Variants in NLGN1 observed in about 807,000 individuals in gnomAD.
NLGN1 encodes the protein neuroligin-1.
In NLGN1, 12 loss-of-function variants were observed where a neutral mutation model predicts 65.5. The ratio of observed to expected loss-of-function variants is 0.18; its 90% confidence interval spans 0.12 to 0.30. The LOEUF (loss-of-function observed/expected upper bound fraction) is 0.30. NLGN1 is among the 10% of genes least tolerant of loss of function. The pLI is 1.00. For synonymous variants in NLGN1, 350 were observed against 359.5 expected (o/e 0.97, Z 0.30); for missense variants, 750 against 1,007.1 (o/e 0.74, Z 3.46).
intron 2 of NLGN1, among the ~76,000 whole-genome samples, chr3:173,442,171 A>G (rs1719321595): frequency 6.6e-6 from 1 of 152,148 alleles, no homozygotes; most frequent in South Asian, 2.1e-4. Flanking sequence ...CGCAGTTTTC[A>G]ATGTGCAGTG....
chr3:174,236,007 T>A (rs1200863660), intron 4 of NLGN1, among the ~76,000 whole-genome samples: 2 of 152,190 alleles, frequency 1.3e-5, no homozygotes, highest in Non-Finnish European at 2.9e-5. Context: ...TTCCAAGTAG[T>A]CAGGGAGTTG....
chr3:173,631,588 G>A (rs1366247670), intron 3 of NLGN1, among the ~76,000 whole-genome samples: 2 of 152,064 alleles, frequency 1.3e-5, no homozygotes, highest in Non-Finnish European at 2.9e-5. Context: ...TTGCCCCGGA[G>A]TTATTTTTAA....
rs868568625 is a variant in NLGN1, at chr3:174,039,543, T to C, written c.646+231711T>C. On this transcript the variant is annotated intron_variant, in intron 4 of 6. Transcript: ENST00000457714. Reference sequence around the variant, plus strand: ...TAGGTTAATTCTTGTATTTCCAAAATGTTTTCATTGGCTCTCCATGATTTT... The same window carrying C: ...TAGGTTAATTCTTGTATTTCCAAAACGTTTTCATTGGCTCTCCATGATTTT... Among the ~76,000 whole-genome samples, 19 of 152,288 alleles carry C rather than the reference T, an allele frequency of 1.2e-4. No individual in the cohort carries two copies. The South Asian group carries it at 3.7e-3, about 30-fold the overall frequency.
At chr3:173,986,441 C>G (rs1190644435) in intron 4 of NLGN1, among the ~76,000 whole-genome samples, 1 of 151,894 alleles carries the variant, frequency 6.6e-6, no homozygotes, top group Non-Finnish European at 1.5e-5. Flanking sequence ...TGCACTCCAG[C>G]CTAGGCAACA....
intron 3 of NLGN1, among the ~76,000 whole-genome samples, chr3:173,776,999 C>T (rs1490858658): frequency 6.6e-6 from 1 of 151,894 alleles, no homozygotes; most frequent in Non-Finnish European, 1.5e-5. Context: ...AACTATATAA[C>T]TTGGGAAAGC....
chr3:173,916,194 A>G (rs891257506), intron 4 of NLGN1, among the ~76,000 whole-genome samples: 9 of 152,184 alleles, frequency 5.9e-5, no homozygotes, highest in African/African-American at 2.2e-4. Context: ...TAGTATGATT[A>G]TGATATCTTA....
At chr3:173,916,269 G>C (rs1740704769) in intron 4 of NLGN1, among the ~76,000 whole-genome samples, 1 of 152,116 alleles carries the variant, frequency 6.6e-6, no homozygotes, top group Non-Finnish European at 1.5e-5. Flanking sequence ...CTATTGCTGA[G>C]TTTAATGAGT....
intron 4 of NLGN1, among the ~76,000 whole-genome samples, chr3:173,845,101 G>A (rs571857825): frequency 2.0e-5 from 3 of 152,310 alleles, no homozygotes; most frequent in South Asian, 4.1e-4. Context: ...TCATAAAATA[G>A]CATCTCACTT....
chr3:173,463,916 TTAAAGA>T (rs1164642734), intron 2 of NLGN1, among the ~76,000 whole-genome samples: 2 of 151,996 alleles, frequency 1.3e-5, no homozygotes, highest in Non-Finnish European at 2.9e-5. Context: ...TAGTTGTTAC[TTAAAGA>T]TAAATTGATA....
intron 3 of NLGN1, among the ~76,000 whole-genome samples, chr3:173,625,299 T>C (rs1320525992): frequency 2.0e-5 from 3 of 152,078 alleles, no homozygotes; most frequent in Non-Finnish European, 1.5e-5. Context: ...TTGAGATGTG[T>C]GTGTAAGTAT....
At chr3:173,976,906 C>G (rs956934864) in intron 4 of NLGN1, among the ~76,000 whole-genome samples, 5 of 152,052 alleles carry the variant, frequency 3.3e-5, no homozygotes, top group Non-Finnish European at 7.4e-5. Context: ...TATCTAGGTT[C>G]AAACTCAACC....
intron 3 of NLGN1, among the ~76,000 whole-genome samples, chr3:173,647,279 G>A (rs1216395169): frequency 6.6e-6 from 1 of 152,036 alleles, no homozygotes; most frequent in Non-Finnish European, 1.5e-5. Flanking sequence ...GTAATTGATA[G>A]AATCAGTAGA....
intron 4 of NLGN1, among the ~76,000 whole-genome samples, chr3:173,895,355 C>G (rs888414592): frequency 1.3e-5 from 2 of 152,148 alleles, no homozygotes; most frequent in Non-Finnish European, 2.9e-5. Context: ...AAGATGCTAG[C>G]AGGTGATGAT....
In NLGN1 at chr3:173,707,223, A is replaced by G. The variant is rs375527873; in HGVS notation, c.494-100457A>G. On this transcript the variant is annotated intron_variant, in intron 3 of 6. Coordinates refer to ENST00000457714, the Ensembl canonical transcript of NLGN1. Reference sequence around the variant, plus strand: ...TAGGTACTAAGCCAGTGTTGTGTACATATGGATTTCCATTGTTGTCTGCCA... The same window carrying G: ...TAGGTACTAAGCCAGTGTTGTGTACGTATGGATTTCCATTGTTGTCTGCCA... 6.6e-5 allele frequency among the ~76,000 whole-genome samples: 10 copies of G among 152,302 alleles called. No individual in the cohort carries two copies. The East Asian group carries it at 7.7e-4, about 12-fold the overall frequency.
At chr3:173,946,379 ATAT>A (rs1747154265) in intron 4 of NLGN1, among the ~76,000 whole-genome samples, 1 of 152,104 alleles carries the variant, frequency 6.6e-6, no homozygotes, top group African/African-American at 2.4e-5. Flanking sequence ...TGCATTTTAC[ATAT>A]TATTTTTGTA....
At chr3:174,127,746 A>G (rs1719264009) in intron 4 of NLGN1, among the ~76,000 whole-genome samples, 1 of 152,118 alleles carries the variant, frequency 6.6e-6, no homozygotes, top group African/African-American at 2.4e-5. Flanking sequence ...TTTATCCTTC[A>G]TGTATTATTT....
chr3:174,084,177 T>C (rs777646722), intron 4 of NLGN1, among the ~76,000 whole-genome samples: 11 of 152,170 alleles, frequency 7.2e-5, no homozygotes, highest in Non-Finnish European at 1.2e-4. Flanking sequence ...AAATAACTTA[T>C]TCCTTAACAA....
intron 4 of NLGN1, among the ~76,000 whole-genome samples, chr3:174,034,275 T>C (rs1730650894): frequency 6.6e-6 from 1 of 151,894 alleles, no homozygotes; most frequent in African/African-American, 2.4e-5. Flanking sequence ...AAAAACTGAA[T>C]GAATTCATTT....
chr3:173,989,530 C>G (rs1007984051), intron 4 of NLGN1, among the ~76,000 whole-genome samples: 1 of 152,134 alleles, frequency 6.6e-6, no homozygotes, highest in African/African-American at 2.4e-5. Flanking sequence ...TGCAGTGAAT[C>G]AAGTATAGTC....
Sources: gnomAD v4.1 joint callset for allele counts (sites outside exome capture counted in the v4.1 genomes callset) on GRCh38, gnomAD v4.1.1 for gene constraint, MANE v1.5 for transcripts, NCBI Gene and HGNC (gene_info 2026-07-23, HGNC 2026-07-21) for gene names.